AMZ2: variants seen among roughly 807,000 people sequenced by gnomAD.
AMZ2 encodes the protein archaelysin family metallopeptidase 2, also known as archaemetzincin-2.
Under a neutral mutation model 36.7 loss-of-function variants are expected in AMZ2, and 26 were observed. The ratio of observed to expected loss-of-function variants is 0.71; its 90% confidence interval spans 0.52 to 0.98. AMZ2 has a LOEUF of 0.98. Among genes scored for constraint, AMZ2 ranks in the 50% least tolerant of loss-of-function variants. The pLI, the probability that AMZ2 is intolerant of heterozygous loss-of-function variation, is 0.00. For missense variants in AMZ2, 394 were observed against 430.5 expected, an observed-to-expected ratio of 0.92 and a Z score of 0.75; for synonymous variants, 144 against 149.1, an observed-to-expected ratio of 0.97 and a Z score of 0.25.
At chr17:68,208,510 C>T (rs1401230973) in intron 1 of AMZ2, among the ~76,000 whole-genome samples, 2 of 152,120 alleles carry the variant, frequency 1.3e-5, no homozygotes, top group Non-Finnish European at 2.9e-5. Context: ...AGCGCCCTGT[C>T]AAAAGAGACC....
intron 2 of AMZ2, 113 bp downstream of exon 2, chr17:68,250,583 A>ATTCATTGCGGCGGT: frequency 7.2e-7 from 1 of 1,391,560 alleles, no homozygotes; most frequent in East Asian, 2.3e-5. Flanking sequence ...CGTTTTTGAT[A>ATTCATTGCGGCGGT]TTCATTGCGG....
At chr17:68,251,838 A>G (rs1285737205) in intron 4 of AMZ2, among the ~76,000 whole-genome samples, 1 of 152,246 alleles carries the variant, frequency 6.6e-6, no homozygotes, top group East Asian at 1.9e-4. Context: ...CATCTTGCAC[A>G]GTTAGAATAG....
chr17:68,243,420 C>T (rs1378172766), upstream of AMZ2, among the ~76,000 whole-genome samples: 2 of 152,228 alleles, frequency 1.3e-5, no homozygotes, highest in Non-Finnish European at 2.9e-5. Context: ...CAGGCATGAG[C>T]CACTGTGCCC....
At chr17:68,218,366 T>TC (rs2073256600) in intron 1 of AMZ2, among the ~76,000 whole-genome samples, 1 of 152,128 alleles carries the variant, frequency 6.6e-6, no homozygotes, top group Non-Finnish European at 1.5e-5. Flanking sequence ...TTTTATTTTT[T>TC]TTTTGTAGAG....
Position 68,235,844 on chromosome 17 carries a change from T to A in AMZ2, c.-66-12796T>A, listed in dbSNP as rs1555732407. On this transcript the variant is annotated intron_variant, in intron 1 of 7. Transcript: ENST00000674770. The surrounding 1 kb of genome is among the most constrained non-coding windows in gnomAD (Gnocchi z 4.2). ...AGCCCAAAATCTTACTTTTTTTTTTTTTCGAGATAGTTTCTCACTTGGTCC... is the reference window on the plus strand; with the variant it reads ...AGCCCAAAATCTTACTTTTTTTTTTATTCGAGATAGTTTCTCACTTGGTCC... 6.8e-6 allele frequency among the ~76,000 whole-genome samples: 1 copy of A among 146,844 alleles called. No individual in the cohort carries two copies. The highest frequency in any genetic ancestry group is 1.5e-5 in the Non-Finnish European group (1 of 65,524).
At chr17:68,209,632 AT>A (rs1224207690) in intron 1 of AMZ2, among the ~76,000 whole-genome samples, 11,150 of 90,590 alleles carry the variant, frequency 0.12, 821 homozygotes, top group Non-Finnish European at 0.15. Context: ...ATATATATAT[AT>A]TTTTTTTTTT....
intron 1 of AMZ2, among the ~76,000 whole-genome samples, chr17:68,242,777 T>C (rs1316189118): frequency 3.2e-4 from 49 of 152,194 alleles, no homozygotes; most frequent in Non-Finnish European, 2.2e-4. Flanking sequence ...GGCTCATGCC[T>C]ATAATCCCAG....
At position 68,221,846 on chromosome 17, in the gene AMZ2, G is replaced by A. The variant is rs553236048; in HGVS notation, c.-67+15608G>A. ...GAGGTGGTTGCCATGAGCTGAGTTCGCACCACTGCACTCCAGACTGGATGA... is the reference window on the plus strand; with the variant it reads ...GAGGTGGTTGCCATGAGCTGAGTTCACACCACTGCACTCCAGACTGGATGA... On this transcript the variant is annotated intron_variant, in intron 1 of 7. Transcript: ENST00000674770. Among the ~76,000 whole-genome samples the A allele has an allele frequency of 6.6e-5, 10 of 152,086 alleles. No individual in the cohort carries two copies. In the South Asian group the frequency reaches 1.0e-3, roughly 16 times the overall value.
Position 68,225,885 on chromosome 17 carries a change from A to G in AMZ2, c.-67+19647A>G, listed in dbSNP as rs189778904. ...GTGATCCACCCACCTTGGCCTCCCA[A>G]AGTGCTGGGATTATAGCATGAGCCA... is the stretch of plus-strand genomic sequence containing the variant. On this transcript the variant is annotated intron_variant, in intron 1 of 7. Coordinates refer to the AMZ2 transcript ENST00000674770. 1.7e-3 allele frequency among the ~76,000 whole-genome samples: 256 copies of G among 152,194 alleles called. 4 individuals are homozygous for G. Among genetic ancestry groups the G allele is most frequent in the Middle Eastern group, 0.014 (4 of 294 alleles).
intron 1 of AMZ2, among the ~76,000 whole-genome samples, chr17:68,227,686 C>T (rs1365074907): frequency 6.6e-6 from 1 of 152,184 alleles, no homozygotes; most frequent in Non-Finnish European, 1.5e-5. Flanking sequence ...TGTCTGATAT[C>T]CCTCTGTCTC....
chr17:68,237,953 C>T (rs754974689), intron 1 of AMZ2, among the ~76,000 whole-genome samples: 2 of 152,286 alleles, frequency 1.3e-5, no homozygotes, highest in African/African-American at 2.4e-5. Context: ...GGGTCGCTGT[C>T]GCTGTTTTAC....
Position 68,235,473 on chromosome 17 carries a change from C to G in AMZ2, c.-66-13167C>G, listed in dbSNP as rs2073763780. Among the ~76,000 whole-genome samples the G allele has an allele frequency of 6.6e-6, 1 of 152,198 alleles. No individual in the cohort carries two copies. Among genetic ancestry groups the G allele is most frequent in the African/African-American group, 2.4e-5 (1 of 41,452 alleles). On this transcript the variant is annotated intron_variant, in intron 1 of 7. Coordinates refer to the AMZ2 transcript ENST00000674770. The surrounding 1 kb of genome is among the most constrained non-coding windows in gnomAD (Gnocchi z 4.2). ...GAGCTGGTGGTGCCTCAGCTGAACC[C>G]AAGTCCACAGACCGTGGAGTTCGCG...
chr17:68,230,446 T>C (rs1320077832), intron 1 of AMZ2, among the ~76,000 whole-genome samples: 1 of 152,204 alleles, frequency 6.6e-6, no homozygotes, highest in Non-Finnish European at 1.5e-5. Context: ...GCTGGCACAG[T>C]GTCATCTCTG....
chr17:68,257,029 G>A lies in AMZ2; in HGVS notation c.*60G>A. 1 of 1,546,744 alleles carries A rather than the reference G, an allele frequency of 6.5e-7. No homozygotes were observed. Among genetic ancestry groups the A allele is most frequent in the Non-Finnish European group, 8.8e-7 (1 of 1,134,902 alleles). ...TACTTGCATGTTATGCTTTCATTTG[G>A]GTGGAATACTTCATTGGAATAAACT... On this transcript the variant is annotated 3_prime_UTR_variant, in exon 7 of 7. Coordinates refer to ENST00000359904, the MANE Select transcript of AMZ2 (RefSeq NM_016627.5).
chr17:68,248,962 CAA>C (rs1444204812), intron 1 of AMZ2: 1 of 765,568 alleles, frequency 1.3e-6, no homozygotes, highest in Non-Finnish European at 1.7e-6. Flanking sequence ...GAAAATATGA[CAA>C]AGATGATCCA....
chr17:68,208,932 C>T (rs1273508260), intron 1 of AMZ2, among the ~76,000 whole-genome samples: 1 of 152,152 alleles, frequency 6.6e-6, no homozygotes, highest in Non-Finnish European at 1.5e-5. Context: ...GAACAAACTC[C>T]GGACACGCCG....
rs1212823000 is a variant in AMZ2, at chr17:68,210,957, A to G, written c.-67+4719A>G. Among the ~76,000 whole-genome samples, 720 of 117,820 alleles carry G rather than the reference A, an allele frequency of 6.1e-3. 10 individuals carry two copies. Among genetic ancestry groups the G allele is most frequent in the African/African-American group, 0.021 (641 of 29,816 alleles). 77.3% of individuals were successfully genotyped at this position (117,820 alleles called of 152,430 possible). A position where few individuals can be genotyped will look rare whatever the true frequency, so the allele number is the denominator to read the frequency against. On this transcript the variant is annotated intron_variant, in intron 1 of 7. Transcript: ENST00000674770. ...GAGTGAGACCCTGTCTCAAAAAAAA[A>G]GGGGGGGGGGGAGGTGGTTAGAGTG... is the stretch of plus-strand genomic sequence containing the variant.
chr17:68,247,933 G>A (rs2074107687), upstream of AMZ2: 1 of 984,582 alleles, frequency 1.0e-6, no homozygotes, highest in African/African-American at 1.7e-5. Context: ...GCACGCTCAG[G>A]GGCGTGGCAT....
chr17:68,236,968 A>G (rs1289950150), intron 1 of AMZ2, among the ~76,000 whole-genome samples: 2 of 152,170 alleles, frequency 1.3e-5, no homozygotes, highest in Admixed American at 1.3e-4. Context: ...TTTTTAAAAC[A>G]TTTCAGCAAG....
Sources: gnomAD v4.1 joint callset for allele counts (sites outside exome capture counted in the v4.1 genomes callset) on GRCh38, gnomAD v4.1.1 for gene constraint, Gnocchi (gnomAD v3.1) non-coding constraint, MANE v1.5 for transcripts, NCBI Gene and HGNC (gene_info 2026-07-23, HGNC 2026-07-21) for gene names.